MACROD2: variants seen among roughly 807,000 people sequenced by gnomAD.
MACROD2 encodes mono-ADP ribosylhydrolase 2.
A neutral mutation model predicts 70.4 loss-of-function variants in MACROD2; 36 were observed. The observed-to-expected ratio is 0.51, with a 90% CI of 0.39 to 0.68. MACROD2 has a LOEUF of 0.68. Among genes scored for constraint, MACROD2 ranks in the 30% least tolerant of loss-of-function variants. The pLI is 0.00. For missense variants in MACROD2, 496 were observed against 538.4 expected (o/e 0.92, Z 0.78); for synonymous variants, 172 against 178.8 (o/e 0.96, Z 0.30).
At chr20:14,456,800 C>T (rs1267942683) in intron 3 of MACROD2, among the ~76,000 whole-genome samples, 3 of 146,520 alleles carry the variant, frequency 2.0e-5, no homozygotes, top group East Asian at 2.0e-4. Flanking sequence ...CAATGCAAGC[C>T]CCGCCTCCCG....
chr20:14,461,152 G>T (rs1376837938), intron 3 of MACROD2, among the ~76,000 whole-genome samples: 1 of 151,982 alleles, frequency 6.6e-6, no homozygotes, highest in Non-Finnish European at 1.5e-5. Context: ...GTTTAGTCTT[G>T]GGAGGGTGTA....
At chr20:14,222,010 G>A (rs1054259140) in intron 3 of MACROD2, among the ~76,000 whole-genome samples, 1 of 152,122 alleles carries the variant, frequency 6.6e-6, no homozygotes, top group Non-Finnish European at 1.5e-5. Flanking sequence ...TGCAGAGAAA[G>A]GGGAATGCTT....
At chr20:15,027,318 A>T (rs2075239662) in intron 5 of MACROD2, among the ~76,000 whole-genome samples, 5 of 152,132 alleles carry the variant, frequency 3.3e-5, no homozygotes, top group Admixed American at 3.3e-4. Flanking sequence ...CCATAGCTTT[A>T]ACAGACTCTG....
intron 2 of MACROD2, among the ~76,000 whole-genome samples, chr20:14,013,884 G>C (rs908828990): frequency 8.6e-5 from 13 of 151,920 alleles, no homozygotes; most frequent in African/African-American, 3.1e-4. Context: ...GTTTCACGAT[G>C]TTGGCCAGGC....
chr20:14,795,066 G>A (rs751016348), intron 5 of MACROD2, among the ~76,000 whole-genome samples: 20 of 151,972 alleles, frequency 1.3e-4, no homozygotes, highest in African/African-American at 4.4e-4. Flanking sequence ...TCAAGATACC[G>A]CCATAGAAGC....
intron 17 of MACROD2, among the ~76,000 whole-genome samples, chr20:16,047,451 T>G (rs2067398235): frequency 6.6e-6 from 1 of 152,180 alleles, no homozygotes; most frequent in South Asian, 2.1e-4. Context: ...TAATGATGGT[T>G]ATGGAATCTG....
intron 3 of MACROD2, among the ~76,000 whole-genome samples, chr20:14,396,941 T>A (rs1490471359): frequency 1.1e-4 from 12 of 104,498 alleles, no homozygotes; most frequent in Non-Finnish European, 1.7e-4. Context: ...AAAAAAAAAA[T>A]CCAATCTGAT....
At chr20:14,229,961 A>G (rs2081785306) in intron 3 of MACROD2, among the ~76,000 whole-genome samples, 1 of 152,244 alleles carries the variant, frequency 6.6e-6, no homozygotes, top group African/African-American at 2.4e-5. Flanking sequence ...TCCTAATGCA[A>G]ATAAAATTAT....
At chr20:15,399,650 A>G (rs925731477) in intron 6 of MACROD2, among the ~76,000 whole-genome samples, 2 of 152,240 alleles carry the variant, frequency 1.3e-5, no homozygotes, top group Admixed American at 1.3e-4. Context: ...TTCTGGCACA[A>G]TAAGCATTTT....
At chr20:15,663,322 G>A (rs1354438066) in intron 8 of MACROD2, among the ~76,000 whole-genome samples, 2 of 148,304 alleles carry the variant, frequency 1.3e-5, no homozygotes, top group South Asian at 2.1e-4. Context: ...TGTGACCTCC[G>A]ACTCTGGGGT....
chr20:14,180,400 A>G (rs1450569641), intron 3 of MACROD2, among the ~76,000 whole-genome samples: 1 of 152,168 alleles, frequency 6.6e-6, no homozygotes, highest in African/African-American at 2.4e-5. Flanking sequence ...TGGTGAGTGC[A>G]TTGAGATATT....
Position 14,303,320 on chromosome 20 carries a change from C to T in MACROD2, c.272-190159C>T, listed in dbSNP as rs758648788. On this transcript the variant is annotated intron_variant, in intron 3 of 17. Transcript: ENST00000684519. ...ATCTTTTAATCTGCCTGACGCTGGCCGTAGAGTCCTTGCAAGCATCCACCA... is the reference window on the plus strand; with the variant it reads ...ATCTTTTAATCTGCCTGACGCTGGCTGTAGAGTCCTTGCAAGCATCCACCA... Among the ~76,000 whole-genome samples, 3 of 152,082 alleles carry T rather than the reference C, an allele frequency of 2.0e-5. No individual in the cohort carries two copies. The South Asian group carries it at 6.2e-4, about 31-fold the overall frequency.
chr20:15,787,913 G>C (rs1306148386), intron 8 of MACROD2, among the ~76,000 whole-genome samples: 1 of 152,062 alleles, frequency 6.6e-6, no homozygotes, highest in African/African-American at 2.4e-5. Context: ...TGGGGGAATT[G>C]CAATGTTTTT....
intron 6 of MACROD2, among the ~76,000 whole-genome samples, chr20:15,322,860 G>T (rs1189010067): frequency 7.0e-6 from 1 of 143,654 alleles, no homozygotes; most frequent in African/African-American, 2.5e-5. Flanking sequence ...TGGAATCCAT[G>T]AATCCATGAA....
chr20:14,867,597 C>T (rs1465283761), intron 5 of MACROD2, among the ~76,000 whole-genome samples: 1 of 152,162 alleles, frequency 6.6e-6, no homozygotes, highest in African/African-American at 2.4e-5. Flanking sequence ...CTTCTATCTA[C>T]ATCTGCCATG....
At chr20:14,470,550 C>T (rs2084516517) in intron 3 of MACROD2, among the ~76,000 whole-genome samples, 1 of 152,142 alleles carries the variant, frequency 6.6e-6, no homozygotes, top group Non-Finnish European at 1.5e-5. Context: ...GGTGCTCTGT[C>T]CCAGGAAGAT....
At chr20:14,061,709 C>G (rs2053692797) in intron 2 of MACROD2, among the ~76,000 whole-genome samples, 1 of 152,114 alleles carries the variant, frequency 6.6e-6, no homozygotes, top group Admixed American at 6.6e-5. Context: ...GCATTACCAG[C>G]ATCTTAAGCA....
intron 5 of MACROD2, among the ~76,000 whole-genome samples, chr20:14,901,124 A>C (rs928897862): frequency 6.6e-6 from 1 of 152,084 alleles, no homozygotes; most frequent in African/African-American, 2.4e-5. Flanking sequence ...GTTTCATTTC[A>C]AGACATCTGA....
intron 5 of MACROD2, among the ~76,000 whole-genome samples, chr20:15,120,886 C>G (rs923778294): frequency 3.9e-5 from 6 of 152,182 alleles, no homozygotes; most frequent in Non-Finnish European, 8.8e-5. Context: ...ACAATGTTGA[C>G]TACCCTCTCT....
Sources: gnomAD v4.1 joint callset for allele counts (sites outside exome capture counted in the v4.1 genomes callset) on GRCh38, gnomAD v4.1.1 for gene constraint, MANE v1.5 for transcripts, NCBI Gene and HGNC (gene_info 2026-07-23, HGNC 2026-07-21) for gene names.